Variants in KCNB2 observed in about 807,000 individuals in gnomAD.
The protein encoded by KCNB2 is delayed rectifier potassium channel protein.
KCNB2 carries 15 observed loss-of-function variants against 61.5 expected under a neutral mutation model. The observed-to-expected ratio is 0.24, with a 90% CI of 0.16 to 0.38. The LOEUF (loss-of-function observed/expected upper bound fraction) is 0.38. Among genes scored for constraint, KCNB2 ranks in the 10% least tolerant of loss-of-function variants. The pLI, the probability that KCNB2 is intolerant of heterozygous loss-of-function variation, is 1.00. For missense variants in KCNB2, 828 were observed against 1,125.2 expected (o/e 0.74, Z 3.78); for synonymous variants, 457 against 446.0 (o/e 1.02, Z -0.31).
chr8:72,801,242 T>C (rs1295454620), intron 2 of KCNB2, among the ~76,000 whole-genome samples: 1 of 152,222 alleles, frequency 6.6e-6, no homozygotes, highest in African/African-American at 2.4e-5. Context: ...TATACCCATT[T>C]TTGTAGATGC....
intron 2 of KCNB2, among the ~76,000 whole-genome samples, chr8:72,904,990 A>G (rs200321069): frequency 1.3e-5 from 2 of 152,242 alleles, no homozygotes; most frequent in East Asian, 3.9e-4. Flanking sequence ...AGAGACAGCT[A>G]TAAGTGAACT....
At chr8:72,920,559 C>T (rs1206726398) in intron 2 of KCNB2, among the ~76,000 whole-genome samples, 3 of 148,142 alleles carry the variant, frequency 2.0e-5, no homozygotes, top group Non-Finnish European at 4.5e-5. Flanking sequence ...GGGAGGATGG[C>T]TTGAGCCCAG....
intron 1 of KCNB2, among the ~76,000 whole-genome samples, chr8:72,545,748 T>C (rs1806248942): frequency 1.3e-5 from 2 of 152,186 alleles, no homozygotes; most frequent in Non-Finnish European, 2.9e-5. Context: ...GGAAGGTATA[T>C]TGAAAGCCAA....
rs1805888961 is a variant in KCNB2 at position 72,631,986 on chromosome 8, C to T, written c.579+63673C>T. Among the ~76,000 whole-genome samples the T allele has an allele frequency of 1.3e-5, 2 of 152,068 alleles. 1 individual carries two copies. The highest frequency in any genetic ancestry group is 4.1e-4 in the South Asian group (2 of 4,822). On this transcript the variant is annotated intron_variant, in intron 2 of 2. Coordinates refer to ENST00000523207, the MANE Select transcript of KCNB2 (RefSeq NM_004770.3). ...GCATGGTGGCTTATGCTTGTAATCT[C>T]AACACTTGGGGAGGCTGAGGCAGGA...
chr8:72,587,083 T>C (rs1386815746), intron 2 of KCNB2, among the ~76,000 whole-genome samples: 1 of 152,226 alleles, frequency 6.6e-6, no homozygotes, highest in African/African-American at 2.4e-5. Context: ...GAAACAGTTC[T>C]TGAGATTTTT....
At chr8:72,550,381 G>A (rs1373819841) in intron 1 of KCNB2, among the ~76,000 whole-genome samples, 2 of 152,158 alleles carry the variant, frequency 1.3e-5, no homozygotes, top group Admixed American at 6.5e-5. Context: ...TAGGTCATGA[G>A]GTTATGCAAA....
intron 2 of KCNB2, among the ~76,000 whole-genome samples, chr8:72,898,302 G>C (rs1227593297): frequency 1.3e-5 from 2 of 151,704 alleles, no homozygotes; most frequent in Non-Finnish European, 2.9e-5. Flanking sequence ...TGGGGTAGGG[G>C]AAGGGGGGAG....
intron 2 of KCNB2, among the ~76,000 whole-genome samples, chr8:72,653,950 AT>A (rs1488086865): frequency 4.6e-5 from 7 of 152,342 alleles, no homozygotes; most frequent in African/African-American, 1.7e-4. Context: ...ATTTAGAGCA[AT>A]TCATAAATGC....
chr8:72,895,967 T>C (rs1053669586), intron 2 of KCNB2, among the ~76,000 whole-genome samples: 1 of 152,200 alleles, frequency 6.6e-6, no homozygotes, highest in African/African-American at 2.4e-5. Context: ...ACTATTTAAG[T>C]TGTTATTTAC....
intron 2 of KCNB2, among the ~76,000 whole-genome samples, chr8:72,622,393 G>A (rs1188811757): frequency 6.6e-6 from 1 of 152,136 alleles, no homozygotes; most frequent in African/African-American, 2.4e-5. Flanking sequence ...TCCAATAATA[G>A]GAGACATTCA....
Position 72,935,880 on chromosome 8 carries a change from C to A in KCNB2, c.580-55C>A, listed in dbSNP as rs533472891. On this transcript the variant is annotated intron_variant, in intron 2 of 2. Transcript: ENST00000523207. Reference sequence around the variant, plus strand: ...AAACAATCACCGACCCATCTGTCTCCTAGCTGCCTAAGCAACTAAGAGGAT... The same window carrying A: ...AAACAATCACCGACCCATCTGTCTCATAGCTGCCTAAGCAACTAAGAGGAT... The A allele has an allele frequency of 4.0e-6, 5 of 1,257,826 alleles. No individual in the cohort carries two copies. In the Admixed American group the frequency reaches 7.1e-5, roughly 18 times the overall value. 77.9% of individuals were successfully genotyped at this position (1,257,826 alleles called of 1,614,324 possible). A position where few individuals can be genotyped will look rare whatever the true frequency, so the allele number is the denominator to read the frequency against.
At chr8:72,761,912 A>T (rs764510861) in intron 2 of KCNB2, among the ~76,000 whole-genome samples, 2 of 152,194 alleles carry the variant, frequency 1.3e-5, no homozygotes, top group Non-Finnish European at 2.9e-5. Flanking sequence ...TGTATATCTT[A>T]ATCAATAGCC....
chr8:72,671,822 A>G (rs1806570022), intron 2 of KCNB2, among the ~76,000 whole-genome samples: 1 of 152,192 alleles, frequency 6.6e-6, no homozygotes, highest in Admixed American at 6.5e-5. Context: ...CATTGCCATG[A>G]TCACAAGAAC....
In KCNB2 at chr8:72,727,917, C is replaced by T. The variant is rs143469185; in HGVS notation, c.579+159604C>T. 2.9e-4 allele frequency among the ~76,000 whole-genome samples: 44 copies of T among 152,236 alleles called. 1 individual carries two copies. The East Asian group carries it at 7.7e-3, about 27-fold the overall frequency. ...CACATAAATAATAGTCTTAGCAATA[C>T]GGCACATTTTTCCATTTATAGACTT... On this transcript the variant is annotated intron_variant, in intron 2 of 2. Transcript: ENST00000523207.
intron 2 of KCNB2, among the ~76,000 whole-genome samples, chr8:72,824,354 A>G (rs1260383754): frequency 6.6e-6 from 1 of 151,944 alleles, no homozygotes; most frequent in East Asian, 1.9e-4. Context: ...ACTCTGTGCC[A>G]TGTGTCTCTG....
At position 72,762,882 on chromosome 8, in the gene KCNB2, A is replaced by AATATATAT. The variant is rs10551590; in HGVS notation, c.580-173037_580-173030dup. On this transcript the variant is annotated intron_variant, in intron 2 of 2. Coordinates refer to ENST00000523207, the MANE Select transcript of KCNB2 (RefSeq NM_004770.3). ...AAGCAAAAAGTAAATCATATTAACA[A>AATATATAT]ATATATATATATATATATATATAGT... is the stretch of plus-strand genomic sequence containing the variant. 8.0e-3 allele frequency among the ~76,000 whole-genome samples: 1,131 copies of AATATATAT among 141,564 alleles called. 18 individuals carry two copies. The highest frequency in any genetic ancestry group is 0.076 in the East Asian group (352 of 4,620). 92.9% of individuals were successfully genotyped at this position (141,564 alleles called of 152,430 possible).
At chr8:72,843,486 A>G (rs1809931599) in intron 2 of KCNB2, among the ~76,000 whole-genome samples, 1 of 152,146 alleles carries the variant, frequency 6.6e-6, no homozygotes, top group Non-Finnish European at 1.5e-5. Flanking sequence ...AGTCCTGAAT[A>G]TCCTTGTTAA....
chr8:72,702,419 A>G (rs1563564308), intron 2 of KCNB2, among the ~76,000 whole-genome samples: 2 of 152,160 alleles, frequency 1.3e-5, no homozygotes, highest in Non-Finnish European at 2.9e-5. Flanking sequence ...CTGTACCAGT[A>G]TCCTAAAATT....
intron 2 of KCNB2, among the ~76,000 whole-genome samples, chr8:72,833,924 T>A (rs1809737492): frequency 6.6e-6 from 1 of 152,232 alleles, no homozygotes; most frequent in Admixed American, 6.5e-5. Context: ...GACTTGCATT[T>A]GGCTCTTGCA....
Sources: gnomAD v4.1 joint callset for allele counts (sites outside exome capture counted in the v4.1 genomes callset) on GRCh38, gnomAD v4.1.1 for gene constraint, MANE v1.5 for transcripts, NCBI Gene and HGNC (gene_info 2026-07-23, HGNC 2026-07-21) for gene names.